The following NHSL1 variants were observed in gnomAD, a reference collection of about 807,000 sequenced individuals.
NHSL1 encodes NHS like 1.
In NHSL1, 48 loss-of-function variants were observed where a neutral mutation model predicts 95.0. That is an observed-to-expected ratio of 0.51 (90% CI 0.40 to 0.64). The LOEUF (loss-of-function observed/expected upper bound fraction) is 0.64, where lower values mean the gene tolerates loss of function less well. NHSL1 is among the 30% of genes least tolerant of loss of function. The pLI, the probability that NHSL1 is intolerant of heterozygous loss-of-function variation, is 0.00. For missense variants in NHSL1, 1,971 were observed against 2,077.7 expected, an observed-to-expected ratio of 0.95 and a Z score of 1.00; for synonymous variants, 783 against 833.9, an observed-to-expected ratio of 0.94 and a Z score of 1.05.
At chr6:138,626,038 T>C (rs1784733204) in intron 1 of NHSL1, among the ~76,000 whole-genome samples, 1 of 152,264 alleles carries the variant, frequency 6.6e-6, no homozygotes, top group African/African-American at 2.4e-5. Context: ...TCCAGCTTCT[T>C]GTTCCTGCAC....
Position 138,528,420 on chromosome 6 carries a change from G to A in NHSL1, c.16+17203C>T, listed in dbSNP as rs147633505. 1.6e-4 allele frequency among the ~76,000 whole-genome samples: 25 copies of A among 152,190 alleles called. No individual in the cohort carries two copies. In the East Asian group the frequency reaches 4.4e-3, roughly 27 times the overall value. On this transcript the variant is annotated intron_variant, in intron 1 of 4. Coordinates refer to the NHSL1 transcript ENST00000342260. ...AGGAAGAAAGGAAGTGGAGAGTGAC[G>A]ATTTACCTGCCAACCTACCCTGCCT...
intron 1 of NHSL1, among the ~76,000 whole-genome samples, chr6:138,664,106 G>A (rs1007721368): frequency 2.0e-5 from 3 of 152,340 alleles, no homozygotes; most frequent in Non-Finnish European, 2.9e-5. Context: ...TCACTGTGGT[G>A]TTCCAGAGAT....
At chr6:138,555,202 T>G (rs572190218) in intron 1 of NHSL1, among the ~76,000 whole-genome samples, 12 of 152,172 alleles carry the variant, frequency 7.9e-5, no homozygotes, top group African/African-American at 2.7e-4. Context: ...TTTTGATTTT[T>G]GTTTTACCTC....
intron 1 of NHSL1, among the ~76,000 whole-genome samples, chr6:138,605,270 G>A (rs1439592543): frequency 6.6e-6 from 1 of 152,046 alleles, no homozygotes; most frequent in Admixed American, 6.6e-5. Flanking sequence ...CTGTTGCCTA[G>A]GCTGGAGTGC....
chr6:138,635,650 A>T (rs1784877415), intron 1 of NHSL1, among the ~76,000 whole-genome samples: 1 of 152,202 alleles, frequency 6.6e-6, no homozygotes, highest in East Asian at 1.9e-4. Flanking sequence ...AAAAATAGAG[A>T]ATGAGGGATA....
intron 3 of NHSL1, among the ~76,000 whole-genome samples, chr6:138,465,723 TC>T (rs1329072837): frequency 7.0e-6 from 1 of 143,616 alleles, no homozygotes. Context: ...TTTTTTCTTT[TC>T]TTTTTTTTTT....
intron 1 of NHSL1, among the ~76,000 whole-genome samples, chr6:138,671,436 C>T (rs148126105): frequency 1.4e-5 from 2 of 146,650 alleles, no homozygotes; most frequent in African/African-American, 5.1e-5. Flanking sequence ...GGCAACAGAG[C>T]GAGAATCTGT....
chr6:138,466,046 G>T (rs573374503), intron 3 of NHSL1, among the ~76,000 whole-genome samples: 64 of 140,298 alleles, frequency 4.6e-4, no homozygotes, highest in Non-Finnish European at 7.1e-4. Context: ...CTTTTTGGGG[G>T]GGGGGCAGGG....
At chr6:138,565,325 A>G (rs1162810804) in intron 1 of NHSL1, among the ~76,000 whole-genome samples, 3 of 151,996 alleles carry the variant, frequency 2.0e-5, no homozygotes, top group Admixed American at 2.0e-4. Flanking sequence ...CAGGCTGGTC[A>G]TGAACCCCTG....
At chr6:138,507,745 C>T (rs1290773328) in intron 1 of NHSL1, among the ~76,000 whole-genome samples, 2 of 152,140 alleles carry the variant, frequency 1.3e-5, no homozygotes, top group African/African-American at 2.4e-5. Flanking sequence ...ATTCTAGAAT[C>T]TCATGGGTAC....
intron 1 of NHSL1, among the ~76,000 whole-genome samples, chr6:138,519,418 G>A (rs1781586313): frequency 1.3e-5 from 2 of 151,926 alleles, no homozygotes; most frequent in African/African-American, 4.8e-5. Flanking sequence ...CCCAAATATT[G>A]TAATAAAAGC....
intron 1 of NHSL1, among the ~76,000 whole-genome samples, chr6:138,511,441 T>C (rs1217567147): frequency 6.6e-6 from 1 of 151,656 alleles, no homozygotes; most frequent in African/African-American, 2.4e-5. Flanking sequence ...AGTGTGTATG[T>C]GTGTGTGAGT....
intron 4 of NHSL1, among the ~76,000 whole-genome samples, chr6:138,444,016 C>G (rs754521172): frequency 6.6e-6 from 1 of 152,134 alleles, no homozygotes; most frequent in Non-Finnish European, 1.5e-5. Context: ...GTCTCTTCTA[C>G]TGGATTATAC....
chr6:138,509,735 T>C (rs9402978), intron 1 of NHSL1, among the ~76,000 whole-genome samples: 58,148 of 151,976 alleles, frequency 0.38, 11,891 homozygotes, highest in East Asian at 0.85. Context: ...CTGTGCCCTT[T>C]TGAGCCTCAA....
chr6:138,543,910 A>T (rs1782680266), intron 1 of NHSL1, among the ~76,000 whole-genome samples: 1 of 152,232 alleles, frequency 6.6e-6, no homozygotes, highest in African/African-American at 2.4e-5. Flanking sequence ...ATTCCTGATT[A>T]GAACACACAC....
chr6:138,444,965 ACT>A (rs1306485882), intron 4 of NHSL1, among the ~76,000 whole-genome samples: 2 of 152,186 alleles, frequency 1.3e-5, no homozygotes, highest in Non-Finnish European at 2.9e-5. Context: ...TTTTGACATA[ACT>A]CATACTGCTC....
At chr6:138,591,814 G>A (rs888982459) in intron 1 of NHSL1, among the ~76,000 whole-genome samples, 1 of 152,178 alleles carries the variant, frequency 6.6e-6, no homozygotes, top group African/African-American at 2.4e-5. Context: ...CCCTGCACGT[G>A]CACGTGGATC....
rs1261680205 is a variant in NHSL1 at position 138,437,443 on chromosome 6, C to CAAA, written c.665-3764_665-3763insTTT. Reference sequence around the variant, plus strand: ...ACACACACACACACACACACACACACACAAAAAAAAAAAAAAAAAATACAA... The same window carrying CAAA: ...ACACACACACACACACACACACACACAAAACAAAAAAAAAAAAAAAAAATACAA... On this transcript the variant is annotated intron_variant, in intron 5 of 7. Coordinates refer to ENST00000343505, the MANE Select transcript of NHSL1 (RefSeq NM_001144060.2). Among the ~76,000 whole-genome samples, 5 of 41,598 alleles carry CAAA rather than the reference C, an allele frequency of 1.2e-4. No homozygotes were observed. The South Asian group carries it at 2.8e-3, about 23-fold the overall frequency. The allele number at this position is 41,598 out of a possible 152,430, so 27.3% of individuals were successfully genotyped here.
intron 1 of NHSL1, among the ~76,000 whole-genome samples, chr6:138,615,968 T>C (rs1031465007): frequency 2.0e-5 from 3 of 152,228 alleles, no homozygotes; most frequent in African/African-American, 7.2e-5. Flanking sequence ...GGCAGAAGGA[T>C]CGCTTGAGCC....
Sources: allele counts gnomAD v4.1 joint callset (sites outside exome capture counted in the v4.1 genomes callset), GRCh38; gene constraint gnomAD v4.1.1; transcripts MANE v1.5; gene names NCBI Gene and HGNC (gene_info 2026-07-23, HGNC 2026-07-21).